BAZ2B: variants seen among roughly 807,000 people sequenced by gnomAD.
BAZ2B encodes bromodomain adjacent to zinc finger domain protein 2B.
Under a neutral mutation model 246.0 loss-of-function variants are expected in BAZ2B, and 91 were observed. The observed-to-expected ratio is 0.37, with a 90% CI of 0.31 to 0.44. The LOEUF (loss-of-function observed/expected upper bound fraction) is 0.44. Ranked by LOEUF, BAZ2B falls within the 20% of genes least tolerant of loss-of-function variation. BAZ2B has a pLI of 1.00. For missense variants in BAZ2B, 2,332 were observed against 2,533.7 expected, an observed-to-expected ratio of 0.92 and a Z score of 1.71; for synonymous variants, 855 against 860.0, an observed-to-expected ratio of 0.99 and a Z score of 0.10.
intron 27 of BAZ2B, among the ~76,000 whole-genome samples, chr2:159,372,033 T>TA (rs982874330): frequency 6.6e-6 from 1 of 152,004 alleles, no homozygotes; most frequent in Admixed American, 6.5e-5. Context: ...CATTTTCATT[T>TA]AAAAAAAAGT....
the BAZ2B span, among the ~76,000 whole-genome samples, chr2:159,708,054 T>C: frequency 3.3e-5 from 5 of 152,074 alleles, no homozygotes; most frequent in Non-Finnish European, 7.4e-5. Flanking sequence ...CTGATGCCTG[T>C]AATTCCAGTA....
chr2:159,608,121 T>C (rs1693919654), intron 1 of BAZ2B, among the ~76,000 whole-genome samples: 1 of 152,214 alleles, frequency 6.6e-6, no homozygotes, highest in Non-Finnish European at 1.5e-5. Flanking sequence ...ATGCCTGTAA[T>C]CCCAGCACTT....
intron 24 of BAZ2B, 149 bp from the exon 25 acceptor site, chr2:159,382,951 G>T: frequency 9.2e-7 from 1 of 1,090,440 alleles, no homozygotes; most frequent in Non-Finnish European, 1.2e-6. Context: ...TTAGAATTAG[G>T]AAACTTAAGA....
chr2:159,426,840 C>G (rs988858376), intron 13 of BAZ2B, among the ~76,000 whole-genome samples: 1 of 151,946 alleles, frequency 6.6e-6, no homozygotes, highest in Non-Finnish European at 1.5e-5. Flanking sequence ...TTTTCCATTT[C>G]AAAATTATAA....
intron 2 of BAZ2B, among the ~76,000 whole-genome samples, chr2:159,553,192 C>T (rs947454034): frequency 2.0e-5 from 3 of 151,526 alleles, no homozygotes; most frequent in African/African-American, 4.9e-5. Context: ...GTCAGGAGTT[C>T]GAGGCCAGCC....
the BAZ2B span, among the ~76,000 whole-genome samples, chr2:159,678,861 T>A: frequency 6.6e-6 from 1 of 152,186 alleles, no homozygotes; most frequent in East Asian, 1.9e-4. Context: ...TAACTACTGA[T>A]CTGTTTTCTA....
At chr2:159,654,758 G>T in the BAZ2B span, among the ~76,000 whole-genome samples, 2 of 151,958 alleles carry the variant, frequency 1.3e-5, no homozygotes, top group Non-Finnish European at 2.9e-5. Flanking sequence ...TGAGCTCAGG[G>T]CTTCAAGACC....
At chr2:159,541,578 C>CA (rs953302740) in intron 2 of BAZ2B, among the ~76,000 whole-genome samples, 10 of 152,066 alleles carry the variant, frequency 6.6e-5, no homozygotes, top group African/African-American at 2.4e-4. Context: ...TGCGGCCAGC[C>CA]AAAAGTCCTT....
intron 2 of BAZ2B, among the ~76,000 whole-genome samples, chr2:159,511,550 A>C (rs989373844): frequency 6.6e-6 from 1 of 152,144 alleles, no homozygotes; most frequent in Non-Finnish European, 1.5e-5. Flanking sequence ...GATTTAGTTC[A>C]GTATAATTAT....
chr2:159,478,483 T>G, intron 3 of BAZ2B, 92 bp downstream of exon 3: 4 of 1,367,074 alleles, frequency 2.9e-6, no homozygotes, highest in Non-Finnish European at 3.9e-6. Flanking sequence ...TCAATGCAAG[T>G]CATGAGAATA....
Position 159,385,174 on chromosome 2 carries a change from A to G in BAZ2B, c.3667T>C (p.Cys1223Arg), listed in dbSNP as rs2062484724. The G allele has an allele frequency of 1.2e-6, 2 of 1,613,344 alleles. No homozygotes were observed. The highest frequency in any genetic ancestry group is 1.7e-6 in the Non-Finnish European group (2 of 1,179,522). The change falls in exon 23 of 37, where the codon TGC becomes CGC. Residue 1223 changes from cysteine to arginine, a missense_variant. Physicochemically the swap from Cys to Arg is radical, Grantham distance 180. This residue lies in a region of BAZ2B where 328 missense variants were observed against 410.4 expected (regional missense o/e 0.80). Transcript: ENST00000392783. ...VLAFLINELA[C>R]SKSVVSEIDK... ...GCTCACCTGACCACACTCTTGCTGCATGCCAGTTCATTGATCAGGAAAGCC... is the reference window on the plus strand; with the variant it reads ...GCTCACCTGACCACACTCTTGCTGCGTGCCAGTTCATTGATCAGGAAAGCC...
chr2:159,317,053 C>A (rs1044188282), downstream of BAZ2B, among the ~76,000 whole-genome samples: 1 of 152,128 alleles, frequency 6.6e-6, no homozygotes, highest in East Asian at 1.9e-4. Context: ...CCTTTATTCT[C>A]CTTGTTGAAA....
intron 2 of BAZ2B, among the ~76,000 whole-genome samples, chr2:159,546,034 G>A (rs2087290225): frequency 6.6e-6 from 1 of 152,088 alleles, no homozygotes; most frequent in African/African-American, 2.4e-5. Context: ...ATCATACAAT[G>A]TTTTTGTGAA....
intron 1 of BAZ2B, among the ~76,000 whole-genome samples, chr2:159,570,716 C>G (rs926423780): frequency 2.6e-5 from 4 of 152,200 alleles, no homozygotes; most frequent in Non-Finnish European, 5.9e-5. Context: ...TACTTTTTAA[C>G]CTCTGACCTC....
At chr2:159,545,284 T>C (rs1393167480) in intron 2 of BAZ2B, among the ~76,000 whole-genome samples, 1 of 152,204 alleles carries the variant, frequency 6.6e-6, no homozygotes, top group Non-Finnish European at 1.5e-5. Flanking sequence ...TGCAATGTCT[T>C]GTTCCCTGAA....
At chr2:159,599,959 GA>G (rs1691743794) in intron 1 of BAZ2B, among the ~76,000 whole-genome samples, 8 of 144,826 alleles carry the variant, frequency 5.5e-5, no homozygotes, top group Admixed American at 4.9e-4. Context: ...AAAAAGAAAA[GA>G]AAAAGAAAGA....
At chr2:159,637,177 GA>G in the BAZ2B span, among the ~76,000 whole-genome samples, 2 of 152,144 alleles carry the variant, frequency 1.3e-5, no homozygotes, top group South Asian at 4.1e-4. Context: ...AAGTAAAGGG[GA>G]CTTTGTCTTG....
intron 13 of BAZ2B, among the ~76,000 whole-genome samples, chr2:159,417,379 C>T (rs1463173677): frequency 2.0e-5 from 3 of 152,108 alleles, no homozygotes; most frequent in Non-Finnish European, 2.9e-5. Context: ...CCATGTTGGC[C>T]AGGCTGGTCT....
At chr2:159,443,691 A>G (rs900115818) in intron 6 of BAZ2B, among the ~76,000 whole-genome samples, 1 of 152,118 alleles carries the variant, frequency 6.6e-6, no homozygotes, top group African/African-American at 2.4e-5. Context: ...CAATCTCTCT[A>G]TAATGTTATT....
Sources: gnomAD v4.1 joint callset for allele counts (sites outside exome capture counted in the v4.1 genomes callset) on GRCh38, gnomAD v4.1.1 for gene constraint, gnomAD v4.1.1 regional missense constraint, MANE v1.5 for transcripts, NCBI Gene and HGNC (gene_info 2026-07-23, HGNC 2026-07-21) for gene names.